The following MYO5C variants were observed in gnomAD, a reference collection of about 807,000 sequenced individuals.
MYO5C encodes the protein unconventional myosin-Vc.
A neutral mutation model predicts 235.7 loss-of-function variants in MYO5C; 194 were observed. The observed-to-expected ratio is 0.82, with a 90% CI of 0.73 to 0.93. The LOEUF (loss-of-function observed/expected upper bound fraction) is 0.93. MYO5C is among the 40% of genes least tolerant of loss of function. The pLI, the probability that MYO5C is intolerant of heterozygous loss-of-function variation, is 0.00. For missense variants in MYO5C, 2,038 were observed against 2,127.2 expected (o/e 0.96, Z 0.82); for synonymous variants, 707 against 754.8 (o/e 0.94, Z 1.04).
At chr15:52,224,877 A>G (rs749305247) in intron 28 of MYO5C, 24 bp downstream of exon 28, 11 of 1,587,936 alleles carry the variant, frequency 6.9e-6, no homozygotes, top group African/African-American at 1.4e-5. Context: ...AAAATAAAGA[A>G]GATCCCTGAG....
intron 11 of MYO5C, 116 bp from the exon 12 acceptor site, chr15:52,253,573 AAAGAAGGACCCTG>A: frequency 1.0e-6 from 1 of 995,918 alleles, no homozygotes; most frequent in South Asian, 1.5e-5. Flanking sequence ...TTATGTTTAA[AAAGAAGGACCCTG>A]AAGTATAGAC....
chr15:52,272,891 A>T (rs1036346177), intron 5 of MYO5C, among the ~76,000 whole-genome samples, 168 bp from the exon 6 acceptor site: 1 of 152,218 alleles, frequency 6.6e-6, no homozygotes, highest in African/African-American at 2.4e-5. Flanking sequence ...GAACATGACA[A>T]ATCAGAACAT....
intron 19 of MYO5C, chr15:52,243,559 C>G (rs941649085): frequency 2.6e-5 from 4 of 152,398 alleles, no homozygotes; most frequent in African/African-American, 7.2e-5. Context: ...TGCCACAGTT[C>G]AGCCTCCAGC....
At chr15:52,279,081 T>C in intron 3 of MYO5C, 64 bp from the exon 4 acceptor site, 1 of 1,547,502 alleles carries the variant, frequency 6.5e-7, no homozygotes, top group Non-Finnish European at 8.8e-7. Context: ...CAGTTTTTTT[T>C]TTTTTAAGAA....
rs114017962 is a variant in MYO5C at position 52,227,847 on chromosome 15, C to T, written c.3207+1286G>A. On this transcript the variant is annotated intron_variant, in intron 25 of 40. Coordinates refer to ENST00000261839, the MANE Select transcript of MYO5C (RefSeq NM_018728.4). ...CAATTCCAAAAGCTCTTCTAAACCA[C>T]GCATGGCTAGTTCATGACAATTACA... 3.7e-3 allele frequency among the ~76,000 whole-genome samples: 560 copies of T among 152,314 alleles called. 4 individuals are homozygous for T. The highest frequency in any genetic ancestry group is 0.013 in the African/African-American group (543 of 41,556).
rs530513652 is a variant in MYO5C at position 52,294,365 on chromosome 15, A to G, written c.27+1245T>C. Among the ~76,000 whole-genome samples, 8 of 152,360 alleles carry G rather than the reference A, an allele frequency of 5.3e-5. No individual in the cohort carries two copies. The East Asian group carries it at 1.5e-3, about 29-fold the overall frequency. ...AGTCTCACTGGTGAAAATATTCTAG[A>G]ACAAAACTAGGGCAATTCAAACACT... On this transcript the variant is annotated intron_variant, in intron 1 of 40. Coordinates refer to ENST00000261839, the MANE Select transcript of MYO5C (RefSeq NM_018728.4).
At chr15:52,288,070 G>A (rs543275702) in intron 1 of MYO5C, among the ~76,000 whole-genome samples, 1 of 152,310 alleles carries the variant, frequency 6.6e-6, no homozygotes, top group East Asian at 1.9e-4. Context: ...GAGCCCTGGG[G>A]GCCTTCCAAG....
intron 37 of MYO5C, 188 bp from the exon 38 acceptor site, chr15:52,205,335 G>T: frequency 1.5e-6 from 1 of 646,564 alleles, no homozygotes; most frequent in Non-Finnish European, 2.6e-6. Context: ...AGGGATGGAC[G>T]GCTGTTTCCA....
chr15:52,277,065 G>T (rs1049335179), intron 4 of MYO5C: 2 of 469,842 alleles, frequency 4.3e-6, no homozygotes, highest in Admixed American at 2.4e-5. Context: ...ACAGAGCCCC[G>T]GTCCAATATT....
Position 52,247,688 on chromosome 15 carries a change from C to T in MYO5C, c.1747-96G>A. Reference sequence around the variant, plus strand: ...AAATGGTGACAACAACTCAGCTAAACTAGTGGGCGGTGAACAACCTCACCA... The same window carrying T: ...AAATGGTGACAACAACTCAGCTAAATTAGTGGGCGGTGAACAACCTCACCA... On this transcript the variant is annotated intron_variant, in intron 14 of 40. Transcript: ENST00000261839. The T allele has an allele frequency of 2.2e-6, 3 of 1,393,076 alleles. No individual in the cohort carries two copies. The East Asian group carries it at 7.2e-5, about 33-fold the overall frequency. The allele number at this position is 1,393,076 out of a possible 1,614,324, so 86.3% of individuals were successfully genotyped here. A position where few individuals can be genotyped will look rare whatever the true frequency, so the allele number is the denominator to read the frequency against.
At chr15:52,253,883 C>T (rs4776029) in intron 11 of MYO5C, among the ~76,000 whole-genome samples, 147,792 of 152,244 alleles carry the variant, frequency 0.97, 71,899 homozygotes, top group East Asian at 1. Flanking sequence ...TAGAGATCTT[C>T]GTGCACTACT....
chr15:52,217,497 G>GGAGGCAAGGC (rs1555412845), intron 32 of MYO5C, among the ~76,000 whole-genome samples: 2 of 152,210 alleles, frequency 1.3e-5, no homozygotes, highest in Non-Finnish European at 2.9e-5. Flanking sequence ...GGGGCCCACA[G>GGAGGCAAGGC]GAGGCAAGGC....
intron 16 of MYO5C, among the ~76,000 whole-genome samples, 193 bp from the exon 17 acceptor site, chr15:52,246,235 G>A (rs958628623): frequency 6.6e-6 from 1 of 152,204 alleles, no homozygotes; most frequent in Non-Finnish European, 1.5e-5. Context: ...GGGATATAGA[G>A]AAAGGAGCAG....
chr15:52,294,068 C>T (rs2037448694), intron 1 of MYO5C, among the ~76,000 whole-genome samples: 1 of 152,246 alleles, frequency 6.6e-6, no homozygotes, highest in Non-Finnish European at 1.5e-5. Flanking sequence ...TCCCTCCAAG[C>T]TTGTACCTTT....
In MYO5C at chr15:52,196,465, T is replaced by G; in HGVS notation, c.4839A>C (p.Leu1613Phe). The change falls in exon 39 of 41, where the codon TTA becomes TTC. Residue 1613 changes from leucine (L) to phenylalanine (F), a missense_variant. By Grantham distance (22) the Leu-to-Phe change is conservative. Coordinates refer to ENST00000261839, the MANE Select transcript of MYO5C (RefSeq NM_018728.4). ...AGTTCTTATCTTTAAGCCATTCTTC[T>G]AAGTAGCTGATATTGCACCTGGAGG... ...GMQIRCNISY[L>F]EEWLKDKNLQ... is the part of the protein sequence containing the mutation. 6.2e-7 allele frequency: 1 copy of G among 1,613,564 alleles called. No homozygotes were observed. The highest frequency in any genetic ancestry group is 1.3e-5 in the African/African-American group (1 of 74,972).
At chr15:52,225,337 G>A in intron 26 of MYO5C, 102 bp downstream of exon 26, 1 of 1,155,448 alleles carries the variant, frequency 8.7e-7, no homozygotes, top group Non-Finnish European at 1.3e-6. Flanking sequence ...TCTACCATAT[G>A]TCCAACCAAA....
intron 11 of MYO5C, among the ~76,000 whole-genome samples, chr15:52,253,909 G>C (rs1428135104): frequency 2.0e-5 from 3 of 150,436 alleles, no homozygotes; most frequent in East Asian, 2.0e-4. Flanking sequence ...GGGCTGTAAG[G>C]GTATCAGGGA....
intron 4 of MYO5C, among the ~76,000 whole-genome samples, chr15:52,276,942 C>A (rs570593916): frequency 6.6e-6 from 1 of 151,886 alleles, no homozygotes; most frequent in African/African-American, 2.4e-5. Context: ...AAAAATCCTA[C>A]GACATAGATA....
intron 35 of MYO5C, 135 bp from the exon 36 acceptor site, chr15:52,208,778 ATTATAC>A (rs2035380184): frequency 3.2e-6 from 2 of 619,278 alleles, no homozygotes; most frequent in South Asian, 2.1e-5. Context: ...TCCAATTCAT[ATTATAC>A]TTATAAGAAC....
Sources: gnomAD v4.1 joint callset for allele counts (sites outside exome capture counted in the v4.1 genomes callset) on GRCh38, gnomAD v4.1.1 for gene constraint, MANE v1.5 for transcripts, NCBI Gene and HGNC (gene_info 2026-07-23, HGNC 2026-07-21) for gene names.